CIMIP6: variants seen among roughly 807,000 people sequenced by gnomAD.
CIMIP6 encodes ciliary microtubule inner protein 6.
At chr2:54,343,462 T>G in the CIMIP6 span, among the ~76,000 whole-genome samples, 1 of 152,212 alleles carries the variant, frequency 6.6e-6, no homozygotes, top group Non-Finnish European at 1.5e-5. Flanking sequence ...TTTTTACCAC[T>G]TCATTTGTTG....
the CIMIP6 span, among the ~76,000 whole-genome samples, chr2:54,368,604 C>T: frequency 6.6e-6 from 1 of 152,192 alleles, no homozygotes; most frequent in African/African-American, 2.4e-5. Context: ...TTGAGCCATG[C>T]CAGATAGTCA....
At chr2:54,376,130 A>G in the CIMIP6 span, among the ~76,000 whole-genome samples, 1 of 151,976 alleles carries the variant, frequency 6.6e-6, no homozygotes, top group African/African-American at 2.4e-5. Flanking sequence ...CAACCTCCCC[A>G]ACTCAAGCAA....
At chr2:54,374,836 C>T in the CIMIP6 span, among the ~76,000 whole-genome samples, 1 of 152,208 alleles carries the variant, frequency 6.6e-6, no homozygotes, top group Non-Finnish European at 1.5e-5. Flanking sequence ...GCTGGCCCCT[C>T]GCCCCACTCC....
chr2:54,343,821 A>T, the CIMIP6 span: 1 of 1,612,584 alleles, frequency 6.2e-7, no homozygotes, highest in Non-Finnish European at 8.5e-7. Context: ...CATCGTGTCC[A>T]CTGGTTTTGC....
At chr2:54,349,447 G>T in the CIMIP6 span, among the ~76,000 whole-genome samples, 1 of 152,152 alleles carries the variant, frequency 6.6e-6, no homozygotes, top group Non-Finnish European at 1.5e-5. Context: ...TCCTGGCTTT[G>T]CTGATAAAAT....
the CIMIP6 span, chr2:54,381,839 C>T: frequency 1.1e-5 from 17 of 1,526,020 alleles, no homozygotes; most frequent in South Asian, 5.1e-5. Flanking sequence ...TCTTGTCTTC[C>T]TTCCAGATGA....
the CIMIP6 span, among the ~76,000 whole-genome samples, chr2:54,348,264 G>T: frequency 1.3e-5 from 2 of 152,298 alleles, no homozygotes; most frequent in East Asian, 3.9e-4. Flanking sequence ...GAAACAACAC[G>T]TAAAGTGCCC....
the CIMIP6 span, among the ~76,000 whole-genome samples, chr2:54,380,866 TACAG>T: frequency 2.3e-4 from 35 of 152,324 alleles, no homozygotes; most frequent in African/African-American, 8.2e-4. Flanking sequence ...CTCTTTCCTC[TACAG>T]ATATTTTCAA....
At chr2:54,351,378 T>C in the CIMIP6 span, among the ~76,000 whole-genome samples, 1 of 152,208 alleles carries the variant, frequency 6.6e-6, no homozygotes, top group Non-Finnish European at 1.5e-5. Context: ...TCAACCTAAA[T>C]GCCCATCAAC....
chr2:54,364,964 G>A, the CIMIP6 span, among the ~76,000 whole-genome samples: 1 of 152,178 alleles, frequency 6.6e-6, no homozygotes. Flanking sequence ...CAAGAGGTGA[G>A]ACTAAATAAG....
chr2:54,355,428 T>C, the CIMIP6 span, among the ~76,000 whole-genome samples: 2 of 152,282 alleles, frequency 1.3e-5, no homozygotes, highest in Non-Finnish European at 2.9e-5. Context: ...TTTTGCATCC[T>C]TTGTGTCTCA....
the CIMIP6 span, among the ~76,000 whole-genome samples, chr2:54,359,375 T>C: frequency 3.3e-5 from 5 of 152,140 alleles, no homozygotes; most frequent in East Asian, 9.6e-4. Flanking sequence ...GGTGACACAA[T>C]GAAACCTCAT....
chr2:54,342,005 C>T, the CIMIP6 span, among the ~76,000 whole-genome samples: 1 of 152,014 alleles, frequency 6.6e-6, no homozygotes, highest in Non-Finnish European at 1.5e-5. Flanking sequence ...ACCTTTTAGC[C>T]CATTCTGAAA....
chr2:54,359,660 A>G, the CIMIP6 span, among the ~76,000 whole-genome samples: 1 of 151,860 alleles, frequency 6.6e-6, no homozygotes, highest in Non-Finnish European at 1.5e-5. Context: ...AAATGTTTTG[A>G]TATGCTTAAT....
the CIMIP6 span, among the ~76,000 whole-genome samples, chr2:54,381,268 C>G: frequency 6.6e-6 from 1 of 152,166 alleles, no homozygotes; most frequent in Non-Finnish European, 1.5e-5. Flanking sequence ...TGCCTTTGTT[C>G]ATGCTGGTTC....
At chr2:54,333,507 G>T in the CIMIP6 span, among the ~76,000 whole-genome samples, 1 of 152,134 alleles carries the variant, frequency 6.6e-6, no homozygotes, top group Non-Finnish European at 1.5e-5. Flanking sequence ...GAGGTTCACT[G>T]GGGCAAGTCA....
At chr2:54,363,163 A>G in the CIMIP6 span, among the ~76,000 whole-genome samples, 1 of 152,124 alleles carries the variant, frequency 6.6e-6, no homozygotes, top group Admixed American at 6.6e-5. Flanking sequence ...TGGGTATTGT[A>G]CTTTTTCCCA....
chr2:54,332,328 T>G, the CIMIP6 span, among the ~76,000 whole-genome samples: 1 of 152,212 alleles, frequency 6.6e-6, no homozygotes, highest in East Asian at 1.9e-4. Flanking sequence ...ATAATTTACT[T>G]TTTCATCCGC....
the CIMIP6 span, among the ~76,000 whole-genome samples, chr2:54,377,924 T>C: frequency 2.6e-5 from 4 of 152,206 alleles, no homozygotes; most frequent in Non-Finnish European, 5.9e-5. Context: ...CACTTAAAAA[T>C]AGAGCACGTG....
Sources: gnomAD v4.1 joint callset for allele counts (sites outside exome capture counted in the v4.1 genomes callset) on GRCh38, gnomAD v4.1.1 for gene constraint, MANE v1.5 for transcripts, NCBI Gene and HGNC (gene_info 2026-07-23, HGNC 2026-07-21) for gene names.